Variants in FMN1 observed in about 807,000 individuals in gnomAD.
The protein encoded by FMN1 is formin 1.
In FMN1, 110 loss-of-function variants were observed where a neutral mutation model predicts 132.4. The observed-to-expected ratio is 0.83, with a 90% CI of 0.71 to 0.97. The LOEUF is 0.97. Ranked by LOEUF, FMN1 falls within the 50% of genes least tolerant of loss-of-function variation. The pLI is 0.00. For missense variants in FMN1, 1,792 were observed against 1,705.3 expected (o/e 1.05, Z -0.90); for synonymous variants, 722 against 651.7 (o/e 1.11, Z -1.64).
intron 7 of FMN1, among the ~76,000 whole-genome samples, chr15:32,998,704 T>C (rs983603004): frequency 6.6e-6 from 1 of 152,156 alleles, no homozygotes; most frequent in African/African-American, 2.4e-5. Flanking sequence ...AAAAAACTTT[T>C]GCAATAAAAA....
intron 2 of FMN1, among the ~76,000 whole-genome samples, chr15:33,187,067 C>T (rs1367085566): frequency 6.6e-6 from 1 of 152,054 alleles, no homozygotes; most frequent in African/African-American, 2.4e-5. Flanking sequence ...GGGGTCATTC[C>T]CAGAGAAAAG....
chr15:33,167,647 A>G (rs771470713), intron 3 of FMN1, among the ~76,000 whole-genome samples: 2 of 152,244 alleles, frequency 1.3e-5, no homozygotes, highest in Admixed American at 6.5e-5. Flanking sequence ...TACTGTTAAT[A>G]GCCTACTGTT....
chr15:33,179,948 C>T (rs1188660934), intron 3 of FMN1, among the ~76,000 whole-genome samples: 1 of 152,088 alleles, frequency 6.6e-6, no homozygotes, highest in Non-Finnish European at 1.5e-5. Context: ...AAGTAAGGAG[C>T]TGGGAGGCAG....
At chr15:33,119,330 A>C (rs1962330387) in intron 4 of FMN1, among the ~76,000 whole-genome samples, 1 of 152,170 alleles carries the variant, frequency 6.6e-6, no homozygotes, top group African/African-American at 2.4e-5. Flanking sequence ...CTTGGGCTAC[A>C]GTGGTAGCAG....
Position 33,088,565 on chromosome 15 carries a change from C to T in FMN1, c.2043+234G>A, listed in dbSNP as rs77010241. ...TAATGAACAGAGCGCTCTGAGAACA[C>T]TCAGGTTAAATGACAAACACAGTCA... On this transcript the variant is annotated intron_variant, in intron 5 of 20. Coordinates refer to ENST00000616417, the MANE Select transcript of FMN1 (RefSeq NM_001277313.2). 6.9e-3 allele frequency among the ~76,000 whole-genome samples: 1,044 copies of T among 152,322 alleles called. 21 individuals carry two copies. The highest frequency in any genetic ancestry group is 0.024 in the African/African-American group (999 of 41,562).
At chr15:32,785,218 A>ATTTTTTTT (rs1230723314) in intron 19 of FMN1, among the ~76,000 whole-genome samples, 436 of 39,134 alleles carry the variant, frequency 0.011, 61 homozygotes, top group Non-Finnish European at 0.014. Flanking sequence ...ATATATATAT[A>ATTTTTTTT]TTTTTTTTTT....
chr15:32,801,505 G>A (rs2057478121), intron 18 of FMN1, among the ~76,000 whole-genome samples: 1 of 152,104 alleles, frequency 6.6e-6, no homozygotes, highest in Admixed American at 6.6e-5. Context: ...AGTGGCTCAC[G>A]CCTGTAATCC....
chr15:32,969,294 C>A lies in FMN1; in HGVS notation c.2407G>T (p.Val803Leu), dbSNP rs762532958. The part of the protein sequence containing the change: ...DDCPPKTFRN[V>L]CVQTDRETFL... ...GTCTCTCTGTCTGTCTGGACGCACA[C>A]ATTTCTGAAGGTCTTTGGAGGGCAG... The change falls in exon 8 of 21, where the codon GTG (valine) becomes TTG (leucine). Residue 803 changes from valine (V) to leucine (L), a missense_variant. By Grantham distance (32) the Val-to-Leu change is conservative. Around this residue, in one of 3 missense-constraint regions of FMN1, gnomAD observed 1,150 missense variants for 1,043.1 expected, o/e 1.10. Coordinates refer to ENST00000616417, the MANE Select transcript of FMN1 (RefSeq NM_001277313.2). 2 of 1,613,952 alleles carry A rather than the reference C, an allele frequency of 1.2e-6. No individual in the cohort carries two copies. The highest frequency in any genetic ancestry group is 1.7e-5 in the Admixed American group (1 of 60,016).
Position 32,968,939 on chromosome 15 carries a change from G to T in FMN1, c.2762C>A (p.Pro921His). 1 of 825,048 alleles carries T rather than the reference G, an allele frequency of 1.2e-6. No homozygotes were observed. The allele number at this position is 825,048 out of a possible 1,614,324, so 51.1% of individuals were successfully genotyped here. ...PPLPPPSSAG[P>H]PPPPPPPPLP... ...TGGGGGTGGGGGTGGGGGTGGTGGAGGTCCAGCACTTGAAGGTGGAGGTAG... is the reference window on the plus strand; with the variant it reads ...TGGGGGTGGGGGTGGGGGTGGTGGATGTCCAGCACTTGAAGGTGGAGGTAG... Residue 921 changes from proline to histidine, a missense_variant, in exon 8 of 21, where the codon CCT becomes CAT. Physicochemically the swap from Pro to His is moderately conservative, Grantham distance 77. Around this residue, in one of 3 missense-constraint regions of FMN1, gnomAD observed 1,150 missense variants for 1,043.1 expected, o/e 1.10. Coordinates refer to ENST00000616417, the MANE Select transcript of FMN1 (RefSeq NM_001277313.2).
chr15:32,885,443 G>C (rs1023592743), intron 16 of FMN1, among the ~76,000 whole-genome samples: 1 of 152,198 alleles, frequency 6.6e-6, no homozygotes, highest in Non-Finnish European at 1.5e-5. Context: ...ACATGCCTTA[G>C]AAGTCGTATC....
At chr15:33,115,263 G>C (rs2039873559) in intron 4 of FMN1, among the ~76,000 whole-genome samples, 1 of 152,142 alleles carries the variant, frequency 6.6e-6, no homozygotes, top group African/African-American at 2.4e-5. Context: ...GAGGGTGGGA[G>C]GCTAGGAGTC....
At chr15:33,139,774 T>C (rs1485757468) in intron 4 of FMN1, among the ~76,000 whole-genome samples, 1 of 152,174 alleles carries the variant, frequency 6.6e-6, no homozygotes, top group African/African-American at 2.4e-5. Flanking sequence ...GTTACAGTAC[T>C]TCAGATGGAA....
chr15:32,792,106 C>T (rs1254378111), intron 19 of FMN1, among the ~76,000 whole-genome samples: 4 of 151,826 alleles, frequency 2.6e-5, no homozygotes, highest in African/African-American at 4.8e-5. Context: ...TAGTCACCTT[C>T]GCAGAGAGAC....
At chr15:32,984,577 G>C (rs2032932171) in intron 7 of FMN1, among the ~76,000 whole-genome samples, 1 of 152,080 alleles carries the variant, frequency 6.6e-6, no homozygotes, top group African/African-American at 2.4e-5. Context: ...AACAATGAAG[G>C]ATTAATATCA....
intron 4 of FMN1, among the ~76,000 whole-genome samples, chr15:33,137,169 T>C (rs990788564): frequency 1.4e-5 from 2 of 146,824 alleles, no homozygotes; most frequent in Non-Finnish European, 3.0e-5. Context: ...CTGATAACAA[T>C]GTATGTAAAA....
In FMN1 at chr15:32,771,233, C is replaced by A. The variant is rs1464049616; in HGVS notation, c.*3077G>T. 3 of 151,884 alleles carry A rather than the reference C, an allele frequency of 2.0e-5. No individual in the cohort carries two copies. Among genetic ancestry groups the A allele is most frequent in the Admixed American group, 6.5e-5 (1 of 15,268 alleles). The allele number at this position is 151,884 out of a possible 1,614,324, so 9.4% of individuals were successfully genotyped here. ...AGCTGGGACTACAGGCGCCCACCAC[C>A]ACGCCCGGCTAATTTTTTGTATTTT... On this transcript the variant is annotated 3_prime_UTR_variant, in exon 21 of 21. Coordinates refer to ENST00000616417, the MANE Select transcript of FMN1 (RefSeq NM_001277313.2).
At chr15:32,929,599 C>CCGG (rs761548837) in intron 9 of FMN1, among the ~76,000 whole-genome samples, 21 of 152,274 alleles carry the variant, frequency 1.4e-4, no homozygotes, top group Non-Finnish European at 2.6e-4. Flanking sequence ...CGCCGTTGTT[C>CCGG]CAGCCCCTGG....
At chr15:32,780,850 T>G (rs1419213500) in intron 19 of FMN1, among the ~76,000 whole-genome samples, 1 of 152,094 alleles carries the variant, frequency 6.6e-6, no homozygotes, top group Non-Finnish European at 1.5e-5. Flanking sequence ...TTGCATGCAG[T>G]ATGCTACACT....
intron 6 of FMN1, among the ~76,000 whole-genome samples, chr15:33,011,924 A>G (rs1417345299): frequency 2.0e-5 from 3 of 152,252 alleles, no homozygotes; most frequent in African/African-American, 7.2e-5. Flanking sequence ...ACTTCCATAC[A>G]CTTCACTTAC....
Sources: gnomAD v4.1 joint callset for allele counts (sites outside exome capture counted in the v4.1 genomes callset) on GRCh38, gnomAD v4.1.1 for gene constraint, gnomAD v4.1.1 regional missense constraint, MANE v1.5 for transcripts, NCBI Gene and HGNC (gene_info 2026-07-23, HGNC 2026-07-21) for gene names.